TENM3: variants seen among roughly 807,000 people sequenced by gnomAD.
The protein encoded by TENM3 is teneurin-3.
TENM3 carries 63 observed loss-of-function variants against 255.1 expected under a neutral mutation model. The observed-to-expected ratio is 0.25, with a 90% CI of 0.20 to 0.30. The LOEUF (loss-of-function observed/expected upper bound fraction) is 0.30. TENM3 is among the 10% of genes least tolerant of loss of function. The pLI, the probability that TENM3 is intolerant of heterozygous loss-of-function variation, is 1.00. For synonymous variants in TENM3, 1,306 were observed against 1,322.3 expected (o/e 0.99, Z 0.27); for missense variants, 2,929 against 3,461.1 (o/e 0.85, Z 3.86).
intron 22 of TENM3, among the ~76,000 whole-genome samples, chr4:182,771,930 C>T (rs1007677083): frequency 9.2e-5 from 14 of 152,184 alleles, no homozygotes; most frequent in African/African-American, 3.4e-4. Flanking sequence ...CTCCTGAGTG[C>T]CCGTTCCTGC....
At chr4:182,313,777 A>G (rs1446235502) in intron 1 of TENM3, among the ~76,000 whole-genome samples, 2 of 152,158 alleles carry the variant, frequency 1.3e-5, no homozygotes, top group African/African-American at 4.8e-5. Flanking sequence ...CTCAAGCCAG[A>G]AAGTTGGTAT....
In TENM3 at chr4:182,258,407, T is replaced by C. The variant is rs1012868776; in HGVS notation, c.-76+14931T>C. 1.6e-4 allele frequency among the ~76,000 whole-genome samples: 25 copies of C among 152,292 alleles called. 1 individual carries two copies. The East Asian group carries it at 3.1e-3, about 19-fold the overall frequency. ...GGAGAAAAGCAGACTTATTTTTCTG[T>C]CTTACACTCTGTAAAAAGAACAATG... On this transcript the variant is annotated intron_variant, in intron 1 of 27. Transcript: ENST00000511685.
intron 3 of TENM3, among the ~76,000 whole-genome samples, chr4:182,581,322 A>G (rs1745470867): frequency 6.6e-6 from 1 of 152,202 alleles, no homozygotes; most frequent in Admixed American, 6.5e-5. Context: ...AAGTCCATTG[A>G]CTTTTAATAA....
chr4:182,135,613 T>C, the TENM3 span, among the ~76,000 whole-genome samples: 2 of 152,236 alleles, frequency 1.3e-5, no homozygotes, highest in Non-Finnish European at 2.9e-5. Context: ...CTATGTCCAT[T>C]TCAAATGGGT....
chr4:182,413,812 A>G (rs545491681), intron 3 of TENM3, among the ~76,000 whole-genome samples: 1 of 152,314 alleles, frequency 6.6e-6, no homozygotes, highest in South Asian at 2.1e-4. Context: ...GGAGTAAAAT[A>G]TCTTTTATTT....
chr4:182,536,001 T>C (rs185299036), intron 3 of TENM3, among the ~76,000 whole-genome samples: 5 of 152,266 alleles, frequency 3.3e-5, no homozygotes, highest in Admixed American at 3.3e-4. Context: ...ATTGTATATG[T>C]ATTGGCCTTA....
intron 3 of TENM3, among the ~76,000 whole-genome samples, chr4:182,358,529 C>T (rs201005703): frequency 1.4e-4 from 22 of 151,844 alleles, no homozygotes; most frequent in Admixed American, 2.6e-4. Flanking sequence ...TGTCTGTTAT[C>T]GGTGTATAAG....
chr4:181,465,354 A>G, the TENM3 span, among the ~76,000 whole-genome samples: 1 of 151,820 alleles, frequency 6.6e-6, no homozygotes, highest in Non-Finnish European at 1.5e-5. Context: ...CTTGCATGGA[A>G]TAGACTGACT....
intron 7 of TENM3, among the ~76,000 whole-genome samples, chr4:182,678,498 A>G (rs1044605671): frequency 2.6e-5 from 4 of 152,180 alleles, no homozygotes; most frequent in East Asian, 1.9e-4. Flanking sequence ...GGCGTTCTCC[A>G]TGGTGCTTGA....
At chr4:181,759,419 C>T in the TENM3 span, among the ~76,000 whole-genome samples, 21 of 151,804 alleles carry the variant, frequency 1.4e-4, no homozygotes, top group Admixed American at 2.0e-4. Context: ...CAAGAAGTGC[C>T]TGGTAAATGT....
At chr4:182,016,103 G>A in the TENM3 span, among the ~76,000 whole-genome samples, 1 of 152,264 alleles carries the variant, frequency 6.6e-6, no homozygotes, top group African/African-American at 2.4e-5. Flanking sequence ...CTTAATGTGG[G>A]TGTGTTGGGT....
chr4:182,184,813 G>T (rs138372156), intron 1 of TENM3, among the ~76,000 whole-genome samples: 2 of 152,002 alleles, frequency 1.3e-5, no homozygotes, highest in South Asian at 4.2e-4. Context: ...TTGGCCGGGC[G>T]TGGTGGCTCA....
chr4:182,339,857 G>GTCATT (rs1764376077), intron 2 of TENM3, among the ~76,000 whole-genome samples: 1 of 152,060 alleles, frequency 6.6e-6, no homozygotes, highest in African/African-American at 2.4e-5. Flanking sequence ...TTCTAAAGAA[G>GTCATT]TCATTTCTAA....
chr4:182,057,251 C>T, the TENM3 span, among the ~76,000 whole-genome samples: 15 of 149,128 alleles, frequency 1.0e-4, no homozygotes, highest in African/African-American at 3.0e-4. Context: ...GATTGAACAC[C>T]GGAGGAATCA....
chr4:182,507,991 G>GCT (rs1477721782), intron 3 of TENM3, among the ~76,000 whole-genome samples: 4 of 152,256 alleles, frequency 2.6e-5, no homozygotes, highest in South Asian at 2.1e-4. Flanking sequence ...TCCCCCGAGT[G>GCT]GTTCATACTC....
intron 11 of TENM3, among the ~76,000 whole-genome samples, chr4:182,682,304 AAACT>A (rs1350714371): frequency 6.6e-6 from 1 of 152,178 alleles, no homozygotes; most frequent in African/African-American, 2.4e-5. Context: ...CTACTAACCA[AAACT>A]AACCTCTCTA....
intron 3 of TENM3, among the ~76,000 whole-genome samples, chr4:182,546,104 G>A (rs144628428): frequency 6.6e-6 from 1 of 152,138 alleles, no homozygotes; most frequent in Admixed American, 6.5e-5. Context: ...AGTGGAAGTG[G>A]GTCATCACAA....
At chr4:182,242,202 T>A (rs1004431033), upstream of TENM3, among the ~76,000 whole-genome samples, 12 of 152,058 alleles carry the variant, frequency 7.9e-5, no homozygotes, top group Admixed American at 5.2e-4. Context: ...ATGCTATCCC[T>A]CCCCACTTCC....
chr4:181,529,178 G>T, the TENM3 span, among the ~76,000 whole-genome samples: 2 of 152,206 alleles, frequency 1.3e-5, no homozygotes, highest in South Asian at 2.1e-4. Flanking sequence ...TCTTCCAGCT[G>T]TTAGTGCAGT....
Sources: gnomAD v4.1 joint callset for allele counts (sites outside exome capture counted in the v4.1 genomes callset) on GRCh38, gnomAD v4.1.1 for gene constraint, MANE v1.5 for transcripts, NCBI Gene and HGNC (gene_info 2026-07-23, HGNC 2026-07-21) for gene names.